Variants in NBEAL1 observed in about 807,000 individuals in gnomAD.
NBEAL1 encodes neurobeachin-like protein 1.
Under a neutral mutation model 351.3 loss-of-function variants are expected in NBEAL1, and 273 were observed. The observed-to-expected ratio is 0.78, with a 90% CI of 0.70 to 0.86. The LOEUF is 0.86. NBEAL1 is among the 40% of genes least tolerant of loss of function. The pLI is 0.00. For synonymous variants in NBEAL1, 1,050 were observed against 1,086.4 expected (o/e 0.97, Z 0.66); for missense variants, 2,961 against 3,201.3 (o/e 0.92, Z 1.81).
At chr2:203,073,954 T>C (rs2061723346) in intron 7 of NBEAL1, among the ~76,000 whole-genome samples, 1 of 152,194 alleles carries the variant, frequency 6.6e-6, no homozygotes, top group African/African-American at 2.4e-5. Flanking sequence ...TAAAATATTT[T>C]CAAATTGGGG....
chr2:203,034,448 C>T lies in NBEAL1; in HGVS notation c.52-7317C>T, dbSNP rs1251365010. Among the ~76,000 whole-genome samples, 7 of 145,572 alleles carry T rather than the reference C, an allele frequency of 4.8e-5. 1 individual carries two copies. The highest frequency in any genetic ancestry group is 1.2e-4 in the African/African-American group (5 of 40,286). ...CTGGGATCACCTGTGTGAGTCACCA[C>T]ACCCGGCCATTTTTTTTTTTTTTTT... On this transcript the variant is annotated intron_variant, in intron 2 of 55. Coordinates refer to ENST00000683969, the MANE Select transcript of NBEAL1 (RefSeq NM_001378026.1).
At chr2:203,187,337 C>T (rs1018210090) in intron 44 of NBEAL1, among the ~76,000 whole-genome samples, 23 of 143,418 alleles carry the variant, frequency 1.6e-4, no homozygotes, top group South Asian at 2.3e-4. Flanking sequence ...GGGTAACAGA[C>T]ATGAGCCACC....
At chr2:203,132,492 T>C (rs754934953) in intron 26 of NBEAL1, among the ~76,000 whole-genome samples, 4 of 152,232 alleles carry the variant, frequency 2.6e-5, no homozygotes, top group Admixed American at 6.5e-5. Context: ...TGTTTTGTTC[T>C]GGTTTTTTGG....
intron 32 of NBEAL1, 51 bp downstream of exon 32, chr2:203,144,956 A>G (rs187224671): frequency 2.6e-4 from 386 of 1,512,306 alleles, no homozygotes; most frequent in Non-Finnish European, 3.2e-4. Flanking sequence ...TACCATTTTT[A>G]TAGAGGTGAA....
chr2:203,098,891 A>C (rs187612354), intron 11 of NBEAL1, among the ~76,000 whole-genome samples: 33 of 152,364 alleles, frequency 2.2e-4, no homozygotes, highest in Non-Finnish European at 5.9e-5. Context: ...AAACTAGATA[A>C]ACAAGATTAT....
At chr2:203,033,279 C>T (rs2060982131) in intron 2 of NBEAL1, among the ~76,000 whole-genome samples, 1 of 152,184 alleles carries the variant, frequency 6.6e-6, no homozygotes, top group Non-Finnish European at 1.5e-5. Flanking sequence ...GAATTACAGG[C>T]GTGAGCCACC....
intron 6 of NBEAL1, among the ~76,000 whole-genome samples, chr2:203,067,463 TATGTGGTTTGTTCTATGATCA>T: frequency 6.6e-6 from 1 of 152,342 alleles, no homozygotes; most frequent in Non-Finnish European, 1.5e-5. Flanking sequence ...ATGCTTATCC[TATGTGGTTTGTTCTATGATCA>T]ATTGACATTT....
chr2:203,083,101 AT>A (rs1465855435), intron 8 of NBEAL1, 117 bp from the exon 9 acceptor site: 47 of 877,560 alleles, frequency 5.4e-5, no homozygotes, highest in Non-Finnish European at 7.8e-5. Flanking sequence ...TCTGTTACAA[AT>A]TTTTATGTCT....
At chr2:203,182,210 T>C (rs1026217859) in intron 43 of NBEAL1, 3 of 152,244 alleles carry the variant, frequency 2.0e-5, no homozygotes, top group African/African-American at 7.2e-5. Flanking sequence ...TCAGATAGTT[T>C]AGCATCATCA....
At chr2:203,210,726 G>A (rs1419920712) in intron 53 of NBEAL1, among the ~76,000 whole-genome samples, 1 of 152,160 alleles carries the variant, frequency 6.6e-6, no homozygotes, top group Non-Finnish European at 1.5e-5. Flanking sequence ...GGCTGAATGA[G>A]ATTTTAATTC....
At chr2:203,104,105 A>C (rs974412022) in intron 12 of NBEAL1, among the ~76,000 whole-genome samples, 22 of 152,092 alleles carry the variant, frequency 1.4e-4, no homozygotes, top group African/African-American at 5.1e-4. Flanking sequence ...TGTCCTGTAG[A>C]TCTCTACTAG....
At chr2:203,108,607 G>T (rs568881366) in intron 14 of NBEAL1, among the ~76,000 whole-genome samples, 1 of 152,010 alleles carries the variant, frequency 6.6e-6, no homozygotes, top group South Asian at 2.1e-4. Context: ...GTTTCACCGT[G>T]TTAGCCAGGA....
Position 203,217,390 on chromosome 2 carries a change from C to G in NBEAL1, c.*36C>G. The stretch of plus-strand genomic sequence containing the variant: ...CATTTTCTGTTATGATTACTGAAAC[C>G]TGATTTATTGCTTTGTCACTTTAAC... On this transcript the variant is annotated 3_prime_UTR_variant, in exon 56 of 56. Coordinates refer to ENST00000683969, the MANE Select transcript of NBEAL1 (RefSeq NM_001378026.1). 6.5e-7 allele frequency: 1 copy of G among 1,535,088 alleles called. No individual in the cohort carries two copies. The highest frequency in any genetic ancestry group is 8.8e-7 in the Non-Finnish European group (1 of 1,138,712).
rs769632347 is a variant in NBEAL1, at chr2:203,202,729, T to A, written c.7454T>A (p.Leu2485Ter). 16 of 1,602,810 alleles carry A rather than the reference T, an allele frequency of 1.0e-5. No homozygotes were observed. The highest frequency in any genetic ancestry group is 1.3e-5 in the Non-Finnish European group (15 of 1,170,170). The change falls in exon 51 of 56, where the codon TTG (leucine) becomes TAG (stop). Residue 2485 changes from leucine to a stop codon, truncating the protein, a stop_gained. Transcript: ENST00000683969. LOFTEE classifies it high-confidence loss of function. ...CLATDYCGIH[L>*]ISGSRDTTCM... Reference sequence around the variant, plus strand: ...GCTACAGATTACTGTGGAATACATTTGATTTCTGGTTCCAGAGATACTACA... The same window carrying A: ...GCTACAGATTACTGTGGAATACATTAGATTTCTGGTTCCAGAGATACTACA...
intron 39 of NBEAL1, among the ~76,000 whole-genome samples, chr2:203,170,655 A>G (rs898131863): frequency 1.5e-4 from 23 of 152,262 alleles, no homozygotes; most frequent in African/African-American, 5.5e-4. Context: ...CCTCCCACAA[A>G]CACATTAATC....
intron 7 of NBEAL1, among the ~76,000 whole-genome samples, chr2:203,077,131 G>A (rs539073127): frequency 1.2e-4 from 19 of 152,164 alleles, no homozygotes; most frequent in Admixed American, 6.5e-4. Context: ...CTGACAAGGG[G>A]CCGGGTGTGG....
intron 4 of NBEAL1, 104 bp from the exon 5 acceptor site, chr2:203,056,323 C>T (rs891236010): frequency 8.7e-6 from 6 of 689,694 alleles, no homozygotes; most frequent in Non-Finnish European, 1.6e-5. Flanking sequence ...ATGTCATTTG[C>T]ATTTTGTTTG....
intron 15 of NBEAL1, among the ~76,000 whole-genome samples, chr2:203,110,634 A>G (rs2062545506): frequency 1.3e-5 from 2 of 151,254 alleles, no homozygotes; most frequent in African/African-American, 2.4e-5. Flanking sequence ...AGATGGTGCC[A>G]CTGTACTCCA....
chr2:203,117,742 T>C (rs538322942), intron 18 of NBEAL1, among the ~76,000 whole-genome samples: 23 of 152,100 alleles, frequency 1.5e-4, no homozygotes, highest in Non-Finnish European at 2.9e-4. Context: ...AGTGTAGTGG[T>C]GGGATCATGG....
Sources: allele counts gnomAD v4.1 joint callset (sites outside exome capture counted in the v4.1 genomes callset), GRCh38; gene constraint gnomAD v4.1.1; transcripts MANE v1.5; gene names NCBI Gene and HGNC (gene_info 2026-07-23, HGNC 2026-07-21).